The following HYDIN variants were observed in gnomAD, a reference collection of about 807,000 sequenced individuals.
HYDIN encodes HYDIN axonemal central pair apparatus protein, also known as axonemal central pair apparatus protein HYDIN.
HYDIN carries 132 observed loss-of-function variants against 403.9 expected under a neutral mutation model. The ratio of observed to expected loss-of-function variants is 0.33; its 90% CI spans 0.28 to 0.38. The LOEUF is 0.38. HYDIN is among the 10% of genes least tolerant of loss of function. The pLI, the probability that HYDIN is intolerant of heterozygous loss-of-function variation, is 1.00. For synonymous variants in HYDIN, 1,202 were observed against 1,891.7 expected, an observed-to-expected ratio of 0.64 and a Z score of 9.46; for missense variants, 2,827 against 5,009.5, an observed-to-expected ratio of 0.56 and a Z score of 13.15.
intron 1 of HYDIN, among the ~76,000 whole-genome samples, chr16:71,227,808 T>A (rs2041105928): frequency 6.6e-6 from 1 of 152,150 alleles, no homozygotes. Context: ...TGGAAAAAAC[T>A]ACTTTAAAGT....
chr16:70,805,434 C>T lies in HYDIN; in HGVS notation c.*2146G>A, dbSNP rs183686369. ...ACCAGGAGGCTCGAGGCTTTAGAGT[C>T]GTGGTTCTCACAGTCTGATTGGTCT... is the stretch of plus-strand genomic sequence containing the variant. On this transcript the variant is annotated 3_prime_UTR_variant, in exon 86 of 86. Coordinates refer to ENST00000393567, the MANE Select transcript of HYDIN (RefSeq NM_001270974.2). Among the ~76,000 whole-genome samples the T allele has an allele frequency of 1.5e-4, 23 of 152,288 alleles. No homozygotes were observed. Among genetic ancestry groups the T allele is most frequent in the African/African-American group, 5.3e-4 (22 of 41,560 alleles).
At chr16:70,998,259 T>C (rs2079593226) in intron 23 of HYDIN, among the ~76,000 whole-genome samples, 1 of 151,834 alleles carries the variant, frequency 6.6e-6, no homozygotes, top group African/African-American at 2.4e-5. Flanking sequence ...ACATTTCAAG[T>C]ATATGGAAAG....
chr16:70,818,012 G>A (rs2035955946), intron 84 of HYDIN, among the ~76,000 whole-genome samples: 1 of 152,144 alleles, frequency 6.6e-6, no homozygotes, highest in South Asian at 2.1e-4. Flanking sequence ...AAAGCGGTGG[G>A]ATTATAGGTG....
intron 41 of HYDIN, among the ~76,000 whole-genome samples, chr16:70,951,274 GA>G (rs2078063615): frequency 6.6e-6 from 1 of 150,950 alleles, no homozygotes; most frequent in African/African-American, 2.5e-5. Flanking sequence ...GAGAGAGAGA[GA>G]GAGAGGGAGA....
At chr16:70,980,234 G>A (rs2079006152) in intron 29 of HYDIN, among the ~76,000 whole-genome samples, 1 of 149,942 alleles carries the variant, frequency 6.7e-6, no homozygotes, top group Non-Finnish European at 1.5e-5. Flanking sequence ...AGGCATTGTG[G>A]CTCAACACCT....
At chr16:70,978,838 C>T (rs1597458790) in intron 30 of HYDIN, 76 bp downstream of exon 30, 1 of 1,149,344 alleles carries the variant, frequency 8.7e-7, no homozygotes, top group Non-Finnish European at 1.2e-6. Context: ...ACAGTGCCCT[C>T]TGCACACAAC....
rs1010513891 is a variant in HYDIN, at chr16:71,010,609, C to T, written c.3644+7520G>A. Among the ~76,000 whole-genome samples the T allele has an allele frequency of 4.0e-5, 6 of 151,822 alleles. No individual in the cohort carries two copies. In the East Asian group the frequency reaches 5.8e-4, roughly 15 times the overall value. On this transcript the variant is annotated intron_variant, in intron 23 of 85. Transcript: ENST00000393567. ...AACCTCCTTCATTTCACACAAGAGC[C>T]GAGGCTCAGGGAGGCTCAGCCACCC...
At chr16:70,812,469 C>A (rs1459413485) in intron 84 of HYDIN, among the ~76,000 whole-genome samples, 1 of 151,944 alleles carries the variant, frequency 6.6e-6, no homozygotes, top group African/African-American at 2.4e-5. Context: ...GCCTGGGTGA[C>A]AAAGCGAGAC....
At chr16:71,229,677 G>C (rs1188135940) in intron 1 of HYDIN, among the ~76,000 whole-genome samples, 1 of 152,184 alleles carries the variant, frequency 6.6e-6, no homozygotes, top group Non-Finnish European at 1.5e-5. Context: ...TCATTTATGT[G>C]ACATTCTGGA....
At position 70,938,518 on chromosome 16, in the gene HYDIN, C is replaced by G. The variant is rs536555793; in HGVS notation, c.6995+96G>C. ...GCCTTCTGCAGCTCCTGCTGCCTGC[C>G]TGGAAGATGGCTTGGGCTCACACCC... On this transcript the variant is annotated intron_variant, in intron 44 of 85. Transcript: ENST00000393567. 1.3e-4 allele frequency: 95 copies of G among 735,872 alleles called. 1 individual carries two copies. The South Asian group carries it at 1.6e-3, about 12-fold the overall frequency. 45.6% of individuals were successfully genotyped at this position (735,872 alleles called of 1,614,324 possible).
At chr16:71,193,706 T>C (rs889035352) in intron 1 of HYDIN, among the ~76,000 whole-genome samples, 3 of 152,214 alleles carry the variant, frequency 2.0e-5, no homozygotes, top group African/African-American at 7.2e-5. Flanking sequence ...ATTAAATTAG[T>C]GAATGCTTCC....
intron 58 of HYDIN, among the ~76,000 whole-genome samples, chr16:70,884,802 C>T (rs1478043847): frequency 2.6e-5 from 4 of 152,136 alleles, no homozygotes; most frequent in African/African-American, 9.7e-5. Context: ...TCCGGATGAC[C>T]GTAGAATGTG....
rs565235851 is a variant in HYDIN, at chr16:71,018,634, T to C, written c.3331-192A>G. 1.1e-4 allele frequency among the ~76,000 whole-genome samples: 16 copies of C among 151,992 alleles called. No individual in the cohort carries two copies. The South Asian group carries it at 2.5e-3, about 24-fold the overall frequency. On this transcript the variant is annotated intron_variant, in intron 22 of 85. Coordinates refer to ENST00000393567, the MANE Select transcript of HYDIN (RefSeq NM_001270974.2). Reference sequence around the variant, plus strand: ...AAAAACATACACATACACATTCATATGTAAACAGCTAGTACATCTAAGTAT... The same window carrying C: ...AAAAACATACACATACACATTCATACGTAAACAGCTAGTACATCTAAGTAT...
At chr16:71,017,555 G>A (rs1172911370) in intron 23 of HYDIN, among the ~76,000 whole-genome samples, 1 of 151,592 alleles carries the variant, frequency 6.6e-6, no homozygotes, top group African/African-American at 2.4e-5. Context: ...TTATAACAGT[G>A]TGAAAAAGAC....
chr16:71,086,983 G>A (rs558681), intron 12 of HYDIN, among the ~76,000 whole-genome samples: 3 of 150,120 alleles, frequency 2.0e-5, no homozygotes, highest in South Asian at 2.2e-4. Context: ...GGATAAGCAC[G>A]GCACATATTC....
Position 71,178,977 on chromosome 16 carries a change from G to A in HYDIN, c.332C>T (p.Thr111Ile). Reference protein sequence around the residue: ...FPSEIIFQNYTPCEVYEVPLI... With the variant: ...FPSEIIFQNYIPCEVYEVPLI... ...TGGAACTTCATAGACTTCACAGGGA[G>A]TGTAGTTCTGAAATATAATTTCTGA... is the stretch of plus-strand genomic sequence containing the variant. The change falls in exon 4 of 86, where the codon ACT (threonine) becomes ATT (isoleucine). Residue 111 changes from threonine (T) to isoleucine (I), a missense_variant. Coordinates refer to ENST00000393567, the MANE Select transcript of HYDIN (RefSeq NM_001270974.2). The A allele has an allele frequency of 6.2e-7, 1 of 1,611,290 alleles. No individual in the cohort carries two copies. The highest frequency in any genetic ancestry group is 2.2e-5 in the East Asian group (1 of 44,800).
chr16:70,959,904 A>C (rs1198455726), intron 38 of HYDIN, 84 bp from the exon 39 acceptor site: 2 of 567,532 alleles, frequency 3.5e-6, no homozygotes, highest in Middle Eastern at 4.2e-4. Context: ...TGGAAATGGG[A>C]ATGGATATTT....
intron 73 of HYDIN, among the ~76,000 whole-genome samples, chr16:70,853,038 G>C (rs541114762): frequency 6.6e-6 from 1 of 151,724 alleles, no homozygotes; most frequent in Non-Finnish European, 1.5e-5. Flanking sequence ...AAAATTAGCC[G>C]GGCATAGTGG....
intron 13 of HYDIN, among the ~76,000 whole-genome samples, chr16:71,070,270 TCTCC>T (rs1328180973): frequency 2.0e-5 from 3 of 147,470 alleles, no homozygotes; most frequent in Non-Finnish European, 4.5e-5. Context: ...TTTCTTTCTC[TCTCC>T]TTCCTTCCTT....
Sources: allele counts gnomAD v4.1 joint callset (sites outside exome capture counted in the v4.1 genomes callset), GRCh38; gene constraint gnomAD v4.1.1; transcripts MANE v1.5; gene names NCBI Gene and HGNC (gene_info 2026-07-23, HGNC 2026-07-21).